AGL: variants seen among roughly 807,000 people sequenced by gnomAD.
AGL encodes glycogen debranching enzyme.
Under a neutral mutation model 199.3 loss-of-function variants are expected in AGL, and 128 were observed. The observed-to-expected ratio is 0.64, with a 90% confidence interval of 0.56 to 0.74. AGL has a LOEUF of 0.74. Ranked by LOEUF, AGL falls within the 30% of genes least tolerant of loss-of-function variation. AGL has a pLI of 0.00. For synonymous variants in AGL, 584 were observed against 594.7 expected (o/e 0.98, Z 0.26); for missense variants, 1,809 against 1,820.8 (o/e 0.99, Z 0.12).
chr1:99,853,973 C>T (rs1421366123), intron 2 of AGL, among the ~76,000 whole-genome samples: 3 of 151,828 alleles, frequency 2.0e-5, no homozygotes, highest in Non-Finnish European at 4.4e-5. Context: ...GTGGGTCACC[C>T]CAGGTCAGGA....
chr1:99,899,821 C>T (rs959213290), intron 25 of AGL, among the ~76,000 whole-genome samples: 36 of 151,798 alleles, frequency 2.4e-4, no homozygotes, highest in Non-Finnish European at 4.1e-4. Flanking sequence ...GGGGTTTCAC[C>T]GTGTTAGTCA....
rs138761960 is a variant in AGL at position 99,884,080 on chromosome 1, C to G, written c.2309-40C>G. 306 of 1,555,892 alleles carry G rather than the reference C, an allele frequency of 2.0e-4. 4 individuals carry two copies. The East Asian group carries it at 5.0e-3, about 25-fold the overall frequency. On this transcript the variant is annotated intron_variant, in intron 17 of 33. Transcript: ENST00000361915. ...TTAGCCTTCCTAATTTTGGATGATT[C>G]CATATGAAATTTTGTTAAAATGTTT...
intron 29 of AGL, 69 bp downstream of exon 29, chr1:99,912,586 T>C: frequency 9.0e-7 from 1 of 1,115,552 alleles, no homozygotes; most frequent in Non-Finnish European, 1.3e-6. Context: ...TATGTAATCA[T>C]CATTTGATTC....
At chr1:99,851,445 C>T (rs1443628245) in intron 2 of AGL, among the ~76,000 whole-genome samples, 1 of 152,120 alleles carries the variant, frequency 6.6e-6, no homozygotes, top group Non-Finnish European at 1.5e-5. Flanking sequence ...ACTATTAAAA[C>T]TTGGTAAATT....
chr1:99,912,227 C>G (rs576425392), intron 28 of AGL, among the ~76,000 whole-genome samples, 178 bp from the exon 29 acceptor site: 1 of 152,102 alleles, frequency 6.6e-6, no homozygotes, highest in Non-Finnish European at 1.5e-5. Flanking sequence ...TAGACAATGG[C>G]AAAACCGTGA....
intron 26 of AGL, among the ~76,000 whole-genome samples, chr1:99,902,169 A>G (rs1419090041): frequency 6.6e-6 from 1 of 151,956 alleles, no homozygotes; most frequent in Non-Finnish European, 1.5e-5. Context: ...CCCAAATGTC[A>G]TCCTGAGTAT....
intron 24 of AGL, among the ~76,000 whole-genome samples, chr1:99,895,144 G>A (rs2100800603): frequency 6.6e-6 from 1 of 152,184 alleles, no homozygotes; most frequent in Admixed American, 6.5e-5. Flanking sequence ...CGCTTCCTGG[G>A]TTCAAGCAAT....
chr1:99,902,897 A>G, intron 27 of AGL, 103 bp downstream of exon 27: 3 of 870,052 alleles, frequency 3.4e-6, no homozygotes, highest in Non-Finnish European at 3.7e-6. Context: ...CTCACGATAT[A>G]ATGATTAAAA....
chr1:99,906,501 ACT>A (rs879600210), intron 27 of AGL, among the ~76,000 whole-genome samples: 3 of 152,146 alleles, frequency 2.0e-5, no homozygotes, highest in Admixed American at 6.5e-5. Flanking sequence ...TGCAAAACAA[ACT>A]CTATACTCGT....
chr1:99,861,826 T>G, intron 3 of AGL, 113 bp downstream of exon 3: 1 of 1,170,094 alleles, frequency 8.5e-7, no homozygotes. Context: ...TTTATAGTGC[T>G]TCCTTGAGAT....
rs547252867 is a variant in AGL at position 99,880,586 on chromosome 1, G to C, written c.1736-46G>C. The C allele has an allele frequency of 1.2e-5, 19 of 1,587,880 alleles. No individual in the cohort carries two copies. In the Admixed American group the frequency reaches 3.2e-4, roughly 26 times the overall value. On this transcript the variant is annotated intron_variant, in intron 13 of 33. Transcript: ENST00000361915. ...TGAGAAGAAATCTAACCTCTTCCTG[G>C]ACATAAATAATGAAGATTGTTAAAA...
chr1:99,871,842 G>A (rs1651043380), intron 7 of AGL, among the ~76,000 whole-genome samples: 1 of 151,978 alleles, frequency 6.6e-6, no homozygotes, highest in Non-Finnish European at 1.5e-5. Context: ...GTTTAAATGT[G>A]TAAGAAAATA....
chr1:99,892,456 T>G lies in AGL; in HGVS notation c.3108T>G (p.Phe1036Leu). The G allele has an allele frequency of 6.2e-7, 1 of 1,613,628 alleles. No homozygotes were observed. The highest frequency in any genetic ancestry group is 8.5e-7 in the Non-Finnish European group (1 of 1,179,680). ...GCTTTGTTCAGAATGGTTCAACCTT[T>G]GTGAAACACCTTTCATTGGGTTCAG... is the stretch of plus-strand genomic sequence containing the variant. ...MSSFVQNGST[F>L]VKHLSLGSVQ... Residue 1036 changes from phenylalanine to leucine, a missense_variant, in exon 24 of 34, where the codon TTT (phenylalanine) becomes TTG (leucine). Phe to Leu is a conservative substitution (Grantham distance 22). Coordinates refer to ENST00000361915, the MANE Select transcript of AGL (RefSeq NM_000642.3).
At chr1:99,913,269 A>G (rs1478142560) in intron 29 of AGL, among the ~76,000 whole-genome samples, 1 of 152,102 alleles carries the variant, frequency 6.6e-6, no homozygotes, top group Non-Finnish European at 1.5e-5. Flanking sequence ...TATATAAGAT[A>G]TTGTTTCAAC....
intron 12 of AGL, 100 bp downstream of exon 12, chr1:99,877,928 T>C (rs1435254129): frequency 1.7e-6 from 2 of 1,161,718 alleles, no homozygotes; most frequent in African/African-American, 3.1e-5. Flanking sequence ...CTTTTGCTAG[T>C]TGGACACAAG....
intron 31 of AGL, among the ~76,000 whole-genome samples, chr1:99,915,778 ACACACACACACG>A (rs985942844): frequency 2.6e-5 from 4 of 151,882 alleles, no homozygotes; most frequent in Non-Finnish European, 5.9e-5. Flanking sequence ...ATTAAAACAC[ACACACACACACG>A]CACACACACA....
At chr1:99,875,055 AATAT>A in intron 8 of AGL, 95 bp from the exon 9 acceptor site, 1 of 1,147,174 alleles carries the variant, frequency 8.7e-7, no homozygotes, top group Admixed American at 2.1e-5. Flanking sequence ...AATCCCGATG[AATAT>A]ATTTAAGGTT....
intron 27 of AGL, among the ~76,000 whole-genome samples, chr1:99,905,583 A>G (rs975053320): frequency 2.0e-5 from 3 of 151,750 alleles, no homozygotes; most frequent in African/African-American, 7.3e-5. Flanking sequence ...CTCTTTCTTT[A>G]TTATTTTTTA....
At chr1:99,909,605 G>T (rs1189371880) in intron 27 of AGL, among the ~76,000 whole-genome samples, 1 of 151,888 alleles carries the variant, frequency 6.6e-6, no homozygotes, top group African/African-American at 2.4e-5. Context: ...GTTGCAGGTT[G>T]CTTTTCCAAG....
Sources: gnomAD v4.1 joint callset for allele counts (sites outside exome capture counted in the v4.1 genomes callset) on GRCh38, gnomAD v4.1.1 for gene constraint, MANE v1.5 for transcripts, NCBI Gene and HGNC (gene_info 2026-07-23, HGNC 2026-07-21) for gene names.